Variants in BRINP1 observed in about 807,000 individuals in gnomAD.
BRINP1 encodes the protein BMP/retinoic acid-inducible neural-specific protein 1.
In BRINP1, 17 loss-of-function variants were observed where a neutral mutation model predicts 72.9. The ratio of observed to expected loss-of-function variants is 0.23; its 90% CI spans 0.16 to 0.35. The LOEUF (loss-of-function observed/expected upper bound fraction) is 0.35, where lower values mean the gene tolerates loss of function less well. BRINP1 is among the 10% of genes least tolerant of loss of function. The pLI is 1.00. For missense variants in BRINP1, 850 were observed against 1,001.6 expected (o/e 0.85, Z 2.04); for synonymous variants, 418 against 378.5 (o/e 1.10, Z -1.21).
chr9:119,194,557 G>A lies in BRINP1; in HGVS notation c.1145+14162C>T, dbSNP rs140691567. On this transcript the variant is annotated intron_variant, in intron 7 of 7. Coordinates refer to ENST00000265922, the MANE Select transcript of BRINP1 (RefSeq NM_014618.3). ...CTTTAGAAGCAGAGAGTTTTCTCTC[G>A]CTTTGGCAGAACTTGGAGAAGTCTG... Among the ~76,000 whole-genome samples the A allele has an allele frequency of 3.8e-3, 577 of 152,220 alleles. 7 individuals carry two copies. Among genetic ancestry groups the A allele is most frequent in the African/African-American group, 0.013 (542 of 41,542 alleles).
At chr9:119,179,286 C>T (rs1237956005) in intron 7 of BRINP1, among the ~76,000 whole-genome samples, 1 of 152,210 alleles carries the variant, frequency 6.6e-6, no homozygotes, top group East Asian at 1.9e-4. Flanking sequence ...AGATGCAATA[C>T]ATCCAAATCA....
rs116273431 is a variant in BRINP1, at chr9:119,247,698, T to C, written c.409+1262A>G. On this transcript the variant is annotated intron_variant, in intron 3 of 7. Coordinates refer to ENST00000265922, the MANE Select transcript of BRINP1 (RefSeq NM_014618.3). ...AAAAAAAAAAAAGAGATGACTGACATTGGATCAAAAACAGAATGCAGGCTT... is the reference window on the plus strand; with the variant it reads ...AAAAAAAAAAAAGAGATGACTGACACTGGATCAAAAACAGAATGCAGGCTT... Among the ~76,000 whole-genome samples, 1,405 of 146,316 alleles carry C rather than the reference T, an allele frequency of 9.6e-3. 19 individuals carry two copies. Among genetic ancestry groups the C allele is most frequent in the African/African-American group, 0.034 (1,339 of 39,590 alleles).
chr9:119,173,628 T>C (rs1450229666), intron 7 of BRINP1, among the ~76,000 whole-genome samples: 3 of 150,598 alleles, frequency 2.0e-5, no homozygotes, highest in Admixed American at 1.3e-4. Context: ...CTTCACAGAA[T>C]TGGAAAAAAC....
chr9:119,350,760 T>C (rs946146204), intron 1 of BRINP1, among the ~76,000 whole-genome samples: 10 of 152,170 alleles, frequency 6.6e-5, no homozygotes, highest in African/African-American at 2.2e-4. Context: ...ACAGTGTTAG[T>C]TGACACATCT....
rs186109692 is a variant in BRINP1, at chr9:119,265,446, A to T, written c.219-16296T>A. The stretch of plus-strand genomic sequence containing the variant: ...AAAACTCTTGTCTCTACTAAAAATA[A>T]AAAAAAAAATTAGCTGGGTGTGGTG... On this transcript the variant is annotated intron_variant, in intron 2 of 7. Coordinates refer to ENST00000265922, the MANE Select transcript of BRINP1 (RefSeq NM_014618.3). Among the ~76,000 whole-genome samples the T allele has an allele frequency of 1.4e-4, 21 of 151,312 alleles. No individual in the cohort carries two copies. In the East Asian group the frequency reaches 3.3e-3, roughly 24 times the overall value.
chr9:119,367,359 G>A lies in BRINP1; in HGVS notation c.-51+1697C>T, dbSNP rs114247416. Among the ~76,000 whole-genome samples, 284 of 151,734 alleles carry A rather than the reference G, an allele frequency of 1.9e-3. 1 individual carries two copies. Among genetic ancestry groups the A allele is most frequent in the African/African-American group, 6.4e-3 (264 of 41,364 alleles). ...GCTAGACAAGAGGCTGTGTCCCAGC[G>A]TCACAGCCCTTGTCTTCTCCTAGCC... is the stretch of plus-strand genomic sequence containing the variant. On this transcript the variant is annotated intron_variant, in intron 1 of 7. Transcript: ENST00000265922.
intron 1 of BRINP1, among the ~76,000 whole-genome samples, chr9:119,323,009 C>A (rs191394097): frequency 1.3e-5 from 2 of 152,266 alleles, no homozygotes; most frequent in Admixed American, 1.3e-4. Flanking sequence ...AAACAGGCAA[C>A]CAAAATGCAC....
chr9:119,259,195 G>C (rs542796158), intron 2 of BRINP1, among the ~76,000 whole-genome samples: 15 of 152,162 alleles, frequency 9.9e-5, no homozygotes, highest in Non-Finnish European at 1.9e-4. Context: ...GGTCGGCCTG[G>C]TCTGGCTCTG....
intron 1 of BRINP1, among the ~76,000 whole-genome samples, chr9:119,353,707 T>G (rs1831527397): frequency 6.6e-6 from 1 of 152,056 alleles, no homozygotes; most frequent in Non-Finnish European, 1.5e-5. Context: ...GAGGGCCTTC[T>G]ACACCCAACT....
intron 1 of BRINP1, among the ~76,000 whole-genome samples, chr9:119,350,112 A>T (rs1193710647): frequency 1.3e-5 from 2 of 152,120 alleles, no homozygotes; most frequent in Non-Finnish European, 2.9e-5. Context: ...AGGTTCCAGG[A>T]CTTTGAAGGC....
At chr9:119,266,538 C>T (rs1453482564) in intron 2 of BRINP1, among the ~76,000 whole-genome samples, 2 of 152,146 alleles carry the variant, frequency 1.3e-5, no homozygotes, top group African/African-American at 2.4e-5. Flanking sequence ...ATTTCTTTAG[C>T]AGTATTAAAA....
chr9:119,318,854 T>TGTGG (rs1831155931), intron 1 of BRINP1, among the ~76,000 whole-genome samples: 1 of 149,734 alleles, frequency 6.7e-6, no homozygotes, highest in African/African-American at 2.5e-5. Flanking sequence ...GGTGTGTGTG[T>TGTGG]GTGTGTGTGT....
intron 5 of BRINP1, among the ~76,000 whole-genome samples, chr9:119,226,668 GTT>G (rs35802673): frequency 6.6e-6 from 1 of 151,406 alleles, no homozygotes; most frequent in Non-Finnish European, 1.5e-5. Context: ...CTATTCTAGG[GTT>G]TTTTTTTGTC....
rs775764190 is a variant in BRINP1, at chr9:119,249,094, C to T, written c.275G>A (p.Arg92His). Residue 92 changes from arginine (R) to histidine (H), a missense_variant, in exon 3 of 8, where the codon CGC (arginine) becomes CAC (histidine). Physicochemically the swap from Arg to His is conservative, Grantham distance 29. Transcript: ENST00000265922. Reference protein sequence around the residue: ...NTAIERRDLVRHPVPLMPEFQ... With the variant: ...NTAIERRDLVHHPVPLMPEFQ... ...CTCCGGCATGAGGGGCACTGGATGG[C>T]GGACCAGATCTCTCCTCTCGATGGC... 2.4e-5 allele frequency: 38 copies of T among 1,613,904 alleles called. No homozygotes were observed. The highest frequency in any genetic ancestry group is 1.8e-4 in the South Asian group (16 of 91,056).
chr9:119,225,903 A>G (rs998731937), intron 5 of BRINP1, among the ~76,000 whole-genome samples: 1 of 151,662 alleles, frequency 6.6e-6, no homozygotes, highest in East Asian at 1.9e-4. Context: ...CAATAAACAA[A>G]TAAGATTCAA....
intron 2 of BRINP1, among the ~76,000 whole-genome samples, chr9:119,301,031 A>G (rs979231911): frequency 6.6e-6 from 1 of 152,170 alleles, no homozygotes; most frequent in Admixed American, 6.5e-5. Context: ...TAACCTGATA[A>G]CTCCAAATAC....
chr9:119,228,591 T>G (rs2118893648), intron 5 of BRINP1, among the ~76,000 whole-genome samples: 1 of 152,188 alleles, frequency 6.6e-6, no homozygotes, highest in African/African-American at 2.4e-5. Flanking sequence ...GCATGCAAGA[T>G]ACCATTTTAA....
chr9:119,187,952 A>G (rs537614178), intron 7 of BRINP1, among the ~76,000 whole-genome samples: 2 of 152,328 alleles, frequency 1.3e-5, no homozygotes, highest in East Asian at 3.9e-4. Flanking sequence ...AGCTGCCTAC[A>G]TCAAGTAAAA....
chr9:119,182,164 T>A (rs1829564679), intron 7 of BRINP1, among the ~76,000 whole-genome samples: 1 of 152,060 alleles, frequency 6.6e-6, no homozygotes, highest in Admixed American at 6.6e-5. Flanking sequence ...TACTCCTAAA[T>A]CAAAACAGAT....
Sources: gnomAD v4.1 joint callset for allele counts (sites outside exome capture counted in the v4.1 genomes callset) on GRCh38, gnomAD v4.1.1 for gene constraint, MANE v1.5 for transcripts, NCBI Gene and HGNC (gene_info 2026-07-23, HGNC 2026-07-21) for gene names.